The following PDLIM5 variants were observed in gnomAD, a reference collection of about 807,000 sequenced individuals.
PDLIM5 encodes PDZ and LIM domain 5.
In PDLIM5, 34 loss-of-function variants were observed where a neutral mutation model predicts 64.2. That is an observed-to-expected ratio of 0.53 (90% CI 0.40 to 0.71). The LOEUF is 0.71. PDLIM5 is among the 30% of genes least tolerant of loss of function. The probability of loss-of-function intolerance (pLI) is 0.00; values close to 1 mark genes in which losing one functional copy is unlikely to be tolerated. For missense variants in PDLIM5, 683 were observed against 733.6 expected (o/e 0.93, Z 0.80); for synonymous variants, 253 against 269.1 (o/e 0.94, Z 0.59).
At chr4:94,577,581 CTTTTTTTTTT>C (rs11349007) in intron 5 of PDLIM5, among the ~76,000 whole-genome samples, 1 of 106,858 alleles carries the variant, frequency 9.4e-6, no homozygotes, top group South Asian at 3.5e-4. Flanking sequence ...TGGTCGTAAT[CTTTTTTTTTT>C]TTTTTTTTTT....
At chr4:94,627,867 C>G (rs1739827871) in intron 8 of PDLIM5, among the ~76,000 whole-genome samples, 1 of 152,128 alleles carries the variant, frequency 6.6e-6, no homozygotes, top group South Asian at 2.1e-4. Flanking sequence ...CTGTGATTGC[C>G]TATTTGCTTG....
At chr4:94,588,406 A>C (rs1470276661) in intron 7 of PDLIM5, among the ~76,000 whole-genome samples, 4 of 151,996 alleles carry the variant, frequency 2.6e-5, no homozygotes, top group Non-Finnish European at 4.4e-5. Flanking sequence ...TCTACTAAAC[A>C]TACAAAATTA....
At chr4:94,623,224 T>C (rs72880417) in intron 8 of PDLIM5, among the ~76,000 whole-genome samples, 16,145 of 152,114 alleles carry the variant, frequency 0.11, 2,849 homozygotes, top group African/African-American at 0.36. Context: ...CTTAACAGAA[T>C]TTTTGGTCCC....
intron 8 of PDLIM5, among the ~76,000 whole-genome samples, chr4:94,631,295 G>A (rs1740131174): frequency 6.6e-6 from 1 of 151,976 alleles, no homozygotes; most frequent in African/African-American, 2.4e-5. Flanking sequence ...TTTATTTCAG[G>A]AACCTTGCAG....
chr4:94,656,920 C>T (rs1373514235), intron 10 of PDLIM5: 1 of 152,014 alleles, frequency 6.6e-6, no homozygotes, highest in Non-Finnish European at 1.5e-5. Flanking sequence ...AGGTGTGAGC[C>T]ACTGCGCCCG....
At chr4:94,474,391 C>T (rs902952760) in intron 2 of PDLIM5, among the ~76,000 whole-genome samples, 2 of 152,166 alleles carry the variant, frequency 1.3e-5, no homozygotes, top group African/African-American at 2.4e-5. Flanking sequence ...GCTGGGATTA[C>T]AGGCATGCGC....
chr4:94,521,257 G>A (rs937692051), intron 2 of PDLIM5, among the ~76,000 whole-genome samples: 2 of 152,056 alleles, frequency 1.3e-5, no homozygotes, highest in African/African-American at 2.4e-5. Context: ...GCCACCATTC[G>A]GGAATGTTAA....
chr4:94,574,869 A>C (rs949762691), intron 4 of PDLIM5, among the ~76,000 whole-genome samples: 1 of 152,016 alleles, frequency 6.6e-6, no homozygotes, highest in African/African-American at 2.4e-5. Flanking sequence ...GTAACTATTA[A>C]ATATTTATTT....
At chr4:94,591,081 A>G (rs978358059) in intron 7 of PDLIM5, among the ~76,000 whole-genome samples, 2 of 152,232 alleles carry the variant, frequency 1.3e-5, no homozygotes, top group South Asian at 4.1e-4. Context: ...ACATAAAGCC[A>G]TACAGAAAAT....
intron 8 of PDLIM5, among the ~76,000 whole-genome samples, chr4:94,628,798 CA>C (rs959915785): frequency 6.6e-6 from 1 of 152,064 alleles, no homozygotes; most frequent in Non-Finnish European, 1.5e-5. Flanking sequence ...CAAATATGAG[CA>C]AAATTGTACA....
chr4:94,461,972 C>A (rs1723925363), intron 2 of PDLIM5, among the ~76,000 whole-genome samples: 1 of 152,166 alleles, frequency 6.6e-6, no homozygotes, highest in African/African-American at 2.4e-5. Flanking sequence ...TCAAGCAGTT[C>A]TCTGCCTCAG....
At chr4:94,469,078 G>A (rs1724619221) in intron 2 of PDLIM5, among the ~76,000 whole-genome samples, 1 of 152,068 alleles carries the variant, frequency 6.6e-6, no homozygotes, top group East Asian at 1.9e-4. Flanking sequence ...GAACCCATGG[G>A]GCAGACACAA....
At chr4:94,529,416 G>C (rs1297616735) in intron 3 of PDLIM5, among the ~76,000 whole-genome samples, 2 of 152,082 alleles carry the variant, frequency 1.3e-5, no homozygotes, top group Non-Finnish European at 2.9e-5. Context: ...ATTTTGTTTT[G>C]TTAATTTTTT....
chr4:94,601,241 A>G (rs1737465732), intron 7 of PDLIM5, among the ~76,000 whole-genome samples: 1 of 152,154 alleles, frequency 6.6e-6, no homozygotes, highest in African/African-American at 2.4e-5. Flanking sequence ...TAGTTCATAG[A>G]TGATGCCTTC....
Position 94,586,878 on chromosome 4 carries a change from T to C in PDLIM5, c.920+434T>C, listed in dbSNP as rs1042424851. The C allele has an allele frequency of 4.4e-4, 454 of 1,031,964 alleles. 1 individual carries two copies. Among genetic ancestry groups the C allele is most frequent in the Non-Finnish European group, 5.7e-4 (419 of 731,984 alleles). 63.9% of individuals were successfully genotyped at this position (1,031,964 alleles called of 1,614,324 possible). ...ATAAAACAGCTATGTGAAATTAAGC[T>C]TTTATAAGGCATGTTTTCTGCATGA... On this transcript the variant is annotated intron_variant, in intron 7 of 12. Transcript: ENST00000317968.
At chr4:94,647,233 A>G (rs887632088) in intron 9 of PDLIM5, among the ~76,000 whole-genome samples, 3 of 152,192 alleles carry the variant, frequency 2.0e-5, no homozygotes, top group Admixed American at 6.5e-5. Context: ...ATTATGATCT[A>G]ACTATAAGTT....
At chr4:94,457,628 G>A (rs1312388501) in intron 2 of PDLIM5, among the ~76,000 whole-genome samples, 1 of 152,158 alleles carries the variant, frequency 6.6e-6, no homozygotes, top group Admixed American at 6.5e-5. Flanking sequence ...TTTGTTGTGT[G>A]GTAATAGAAA....
chr4:94,502,905 G>A (rs900004344), intron 2 of PDLIM5, among the ~76,000 whole-genome samples: 1 of 151,860 alleles, frequency 6.6e-6, no homozygotes, highest in African/African-American at 2.4e-5. Context: ...GTTAATACAT[G>A]TAAAACATCT....
intron 3 of PDLIM5, among the ~76,000 whole-genome samples, chr4:94,569,616 C>G (rs1049279770): frequency 6.6e-6 from 1 of 152,122 alleles, no homozygotes; most frequent in Non-Finnish European, 1.5e-5. Flanking sequence ...AGCCAGCGTT[C>G]CTGTCCAATT....
Sources: gnomAD v4.1 joint callset for allele counts (sites outside exome capture counted in the v4.1 genomes callset) on GRCh38, gnomAD v4.1.1 for gene constraint, MANE v1.5 for transcripts, NCBI Gene and HGNC (gene_info 2026-07-23, HGNC 2026-07-21) for gene names.